TSHZ2: variants seen among roughly 807,000 people sequenced by gnomAD.
The protein encoded by TSHZ2 is teashirt zinc finger homeobox 2.
A neutral mutation model predicts 74.4 loss-of-function variants in TSHZ2; 21 were observed. The ratio of observed to expected loss-of-function variants is 0.28; its 90% CI spans 0.20 to 0.41. TSHZ2 has a LOEUF of 0.41. Ranked by LOEUF, TSHZ2 falls within the 10% of genes least tolerant of loss-of-function variation. TSHZ2 has a pLI of 1.00. For missense variants in TSHZ2, 1,244 were observed against 1,293.5 expected, an observed-to-expected ratio of 0.96 and a Z score of 0.59; for synonymous variants, 540 against 515.3, an observed-to-expected ratio of 1.05 and a Z score of -0.65.
At chr20:53,393,538 T>A (rs1406368591) in intron 2 of TSHZ2, among the ~76,000 whole-genome samples, 1 of 152,198 alleles carries the variant, frequency 6.6e-6, no homozygotes, top group Non-Finnish European at 1.5e-5. Context: ...TGTAACATAG[T>A]AGGTACCAAA....
intron 1 of TSHZ2, among the ~76,000 whole-genome samples, chr20:53,104,894 G>C (rs1218528651): frequency 6.6e-6 from 1 of 152,180 alleles, no homozygotes; most frequent in Non-Finnish European, 1.5e-5. Flanking sequence ...TTGAGGAGAA[G>C]GTGAAGATGG....
intron 1 of TSHZ2, among the ~76,000 whole-genome samples, chr20:53,013,355 A>AT (rs534884861): frequency 5.5e-4 from 82 of 149,710 alleles, no homozygotes; most frequent in African/African-American, 1.3e-3. Flanking sequence ...GAGCTCGAGC[A>AT]TTTTTTTTTT....
intron 2 of TSHZ2, among the ~76,000 whole-genome samples, chr20:53,391,898 G>T (rs1292813716): frequency 6.6e-6 from 1 of 152,130 alleles, no homozygotes. Flanking sequence ...AGCCAAGATG[G>T]TGCCACTGCA....
intron 1 of TSHZ2, among the ~76,000 whole-genome samples, chr20:53,172,421 T>TTTATTG (rs1988224812): frequency 1.3e-5 from 2 of 152,216 alleles, no homozygotes; most frequent in African/African-American, 4.8e-5. Flanking sequence ...TATTTTTATT[T>TTTATTG]TTTAGATTTA....
In TSHZ2 at chr20:53,248,883, G is replaced by C. The variant is rs985439736; in HGVS notation, c.41-4616G>C. 2.6e-5 allele frequency among the ~76,000 whole-genome samples: 4 copies of C among 152,112 alleles called. No homozygotes were observed. In the South Asian group the frequency reaches 8.3e-4, roughly 32 times the overall value. On this transcript the variant is annotated intron_variant, in intron 1 of 2. Coordinates refer to ENST00000371497, the MANE Select transcript of TSHZ2 (RefSeq NM_173485.6). ...AGACAGAGTTGCACTCTGTCGCCCAGGCTGGAGTGCAGTGGCAGAATCTCA... is the reference window on the plus strand; with the variant it reads ...AGACAGAGTTGCACTCTGTCGCCCACGCTGGAGTGCAGTGGCAGAATCTCA...
At chr20:53,010,856 A>C (rs1267654189) in intron 1 of TSHZ2, among the ~76,000 whole-genome samples, 1 of 152,146 alleles carries the variant, frequency 6.6e-6, no homozygotes, top group Admixed American at 6.6e-5. Flanking sequence ...TTTTCCACCC[A>C]ACTGAAAGCT....
At chr20:53,215,388 T>A (rs940806664) in intron 1 of TSHZ2, among the ~76,000 whole-genome samples, 2 of 151,956 alleles carry the variant, frequency 1.3e-5, no homozygotes, top group Non-Finnish European at 2.9e-5. Flanking sequence ...CATGCCACAG[T>A]ATCTTGTTTC....
chr20:53,160,670 G>A (rs13041355), intron 1 of TSHZ2, among the ~76,000 whole-genome samples: 30,283 of 150,620 alleles, frequency 0.2, 3,653 homozygotes, highest in Middle Eastern at 0.28. Flanking sequence ...TCTTAAACCC[G>A]GGAGGTGGAG....
At chr20:52,979,512 A>G (rs1027277997) in intron 1 of TSHZ2, among the ~76,000 whole-genome samples, 1 of 152,226 alleles carries the variant, frequency 6.6e-6, no homozygotes, top group South Asian at 2.1e-4. Flanking sequence ...GTTCAAAGAC[A>G]TTATATACAT....
chr20:53,077,525 G>A (rs1259894901), intron 1 of TSHZ2, among the ~76,000 whole-genome samples: 1 of 152,028 alleles, frequency 6.6e-6, no homozygotes, highest in Non-Finnish European at 1.5e-5. Flanking sequence ...AGATTGACAA[G>A]ACCAGAGTCT....
intron 1 of TSHZ2, among the ~76,000 whole-genome samples, chr20:53,120,090 G>T (rs1986769251): frequency 6.6e-6 from 1 of 152,098 alleles, no homozygotes; most frequent in Admixed American, 6.5e-5. Flanking sequence ...CTAGATAATT[G>T]GAGTTTGATT....
At chr20:53,084,299 T>C (rs1351084706) in intron 1 of TSHZ2, among the ~76,000 whole-genome samples, 1 of 152,234 alleles carries the variant, frequency 6.6e-6, no homozygotes, top group East Asian at 1.9e-4. Flanking sequence ...GTGTTGGAAT[T>C]ATATTGTATT....
At chr20:53,243,379 G>T (rs946022498) in intron 1 of TSHZ2, among the ~76,000 whole-genome samples, 2 of 152,188 alleles carry the variant, frequency 1.3e-5, no homozygotes, top group Non-Finnish European at 2.9e-5. Context: ...ATGCTGAGCA[G>T]TACCTGACAG....
chr20:53,212,231 A>T (rs1989327757), intron 1 of TSHZ2, among the ~76,000 whole-genome samples: 1 of 152,216 alleles, frequency 6.6e-6, no homozygotes, highest in Non-Finnish European at 1.5e-5. Context: ...ACTTTGCAAT[A>T]ATTTAAAGTG....
At chr20:53,401,883 C>T (rs566335522) in intron 2 of TSHZ2, among the ~76,000 whole-genome samples, 31 of 149,318 alleles carry the variant, frequency 2.1e-4, no homozygotes, top group Non-Finnish European at 4.3e-4. Context: ...CCCGGGTTCA[C>T]GCCATTCTCC....
intron 1 of TSHZ2, among the ~76,000 whole-genome samples, chr20:53,112,603 A>G (rs981385951): frequency 6.6e-6 from 1 of 152,144 alleles, no homozygotes; most frequent in Non-Finnish European, 1.5e-5. Context: ...ATCATGGCTC[A>G]CTGCAGCCTC....
chr20:53,013,569 CT>C (rs1449473796), intron 1 of TSHZ2, among the ~76,000 whole-genome samples: 1 of 152,174 alleles, frequency 6.6e-6, no homozygotes, highest in Non-Finnish European at 1.5e-5. Context: ...CCATTCTTTG[CT>C]ACTGCACCAG....
At chr20:53,358,788 G>A (rs1022848051) in intron 2 of TSHZ2, among the ~76,000 whole-genome samples, 3 of 152,228 alleles carry the variant, frequency 2.0e-5, no homozygotes, top group East Asian at 1.9e-4. Flanking sequence ...TTTTTTAAAC[G>A]GTCTTGTGCC....
intron 1 of TSHZ2, among the ~76,000 whole-genome samples, chr20:53,145,032 G>A (rs889448200): frequency 6.6e-6 from 1 of 152,164 alleles, no homozygotes; most frequent in Non-Finnish European, 1.5e-5. Context: ...GAAGCAGGGA[G>A]AAATGTAATT....
Sources: gnomAD v4.1 joint callset for allele counts (sites outside exome capture counted in the v4.1 genomes callset) on GRCh38, gnomAD v4.1.1 for gene constraint, MANE v1.5 for transcripts, NCBI Gene and HGNC (gene_info 2026-07-23, HGNC 2026-07-21) for gene names.